SLC22A9: variants seen among roughly 807,000 people sequenced by gnomAD.
SLC22A9 encodes the protein solute carrier family 22 member 9.
Under a neutral mutation model 50.1 loss-of-function variants are expected in SLC22A9, and 64 were observed. The observed-to-expected ratio is 1.28, with a 90% CI of 1.04 to 1.57. The LOEUF is 1.57. SLC22A9 is among the 40% of genes most tolerant of loss of function. The pLI is 0.00. For missense variants in SLC22A9, 757 were observed against 676.1 expected (o/e 1.12, Z -1.33); for synonymous variants, 261 against 242.5 (o/e 1.08, Z -0.71).
At chr11:63,390,960 T>TA (rs2014753734) in intron 6 of SLC22A9, among the ~76,000 whole-genome samples, 1 of 152,128 alleles carries the variant, frequency 6.6e-6, no homozygotes, top group South Asian at 2.1e-4. Context: ...CACTTATAGC[T>TA]AAAAATATAC....
chr11:63,372,800 G>A (rs2014386124), intron 2 of SLC22A9, among the ~76,000 whole-genome samples: 1 of 152,078 alleles, frequency 6.6e-6, no homozygotes, highest in Non-Finnish European at 1.5e-5. Flanking sequence ...GTACATATAT[G>A]TAAAGATAAT....
At chr11:63,379,876 C>T (rs2014529914) in intron 5 of SLC22A9, among the ~76,000 whole-genome samples, 1 of 152,122 alleles carries the variant, frequency 6.6e-6, no homozygotes, top group Non-Finnish European at 1.5e-5. Context: ...GGATTACAGG[C>T]TTGAGACATC....
At chr11:63,396,045 T>C (rs2014849426) in intron 6 of SLC22A9, among the ~76,000 whole-genome samples, 1 of 152,078 alleles carries the variant, frequency 6.6e-6, no homozygotes, top group South Asian at 2.1e-4. Flanking sequence ...CTGGTCTCAC[T>C]CCCATTGTGT....
chr11:63,383,804 A>G (rs751214288), intron 6 of SLC22A9, among the ~76,000 whole-genome samples: 40 of 152,178 alleles, frequency 2.6e-4, no homozygotes, highest in Admixed American at 4.6e-4. Flanking sequence ...TAATCCCAGC[A>G]CTTTGAGAGG....
chr11:63,403,944 T>C (rs184224585), intron 6 of SLC22A9, among the ~76,000 whole-genome samples: 1 of 152,216 alleles, frequency 6.6e-6, no homozygotes, highest in African/African-American at 2.4e-5. Context: ...GAAGACACTA[T>C]GGAGGTTAGA....
intron 5 of SLC22A9, 41 bp downstream of exon 5, chr11:63,375,809 A>G (rs776247906): frequency 3.0e-5 from 48 of 1,601,334 alleles, no homozygotes; most frequent in Non-Finnish European, 3.6e-5. Context: ...TAGGGAAGAC[A>G]TAACTTGTCA....
chr11:63,409,776 TG>T, intron 9 of SLC22A9, 25 bp from the exon 10 acceptor site: 2 of 1,611,062 alleles, frequency 1.2e-6, no homozygotes, highest in Admixed American at 1.7e-5. Flanking sequence ...TGTGATTTTT[TG>T]TTGGTTTCTT....
At chr11:63,377,926 T>C (rs764836909) in intron 5 of SLC22A9, among the ~76,000 whole-genome samples, 3 of 152,102 alleles carry the variant, frequency 2.0e-5, no homozygotes, top group Non-Finnish European at 2.9e-5. Flanking sequence ...AACGCCTCTA[T>C]GCGCAGAAAC....
chr11:63,382,382 A>G, intron 6 of SLC22A9, 105 bp downstream of exon 6: 1 of 762,808 alleles, frequency 1.3e-6, no homozygotes, highest in Non-Finnish European at 2.1e-6. Context: ...TTGCACATAA[A>G]AGATGAGAAA....
At position 63,410,017 on chromosome 11, in the gene SLC22A9, G is replaced by A; in HGVS notation, c.*155G>A. Reference sequence around the variant, plus strand: ...GCACCTTGGGAGGCTGAGGCGGGCAGATCATGAGGTCAGAAGATAAAGACC... The same window carrying A: ...GCACCTTGGGAGGCTGAGGCGGGCAAATCATGAGGTCAGAAGATAAAGACC... On this transcript the variant is annotated 3_prime_UTR_variant, in exon 10 of 10. Coordinates refer to ENST00000279178, the MANE Select transcript of SLC22A9 (RefSeq NM_080866.3). 2 of 680,356 alleles carry A rather than the reference G, an allele frequency of 2.9e-6. No homozygotes were observed. The allele number at this position is 680,356 out of a possible 1,614,324, so 42.1% of individuals were successfully genotyped here. A position where few individuals can be genotyped will look rare whatever the true frequency, so the allele number is the denominator to read the frequency against.
At chr11:63,394,566 G>T (rs543414369) in intron 6 of SLC22A9, among the ~76,000 whole-genome samples, 14 of 152,244 alleles carry the variant, frequency 9.2e-5, no homozygotes, top group Admixed American at 9.2e-4. Context: ...ATCCCTTCTA[G>T]CTTGTAGGGT....
chr11:63,389,019 T>C (rs1591020697), intron 6 of SLC22A9, among the ~76,000 whole-genome samples: 1 of 152,322 alleles, frequency 6.6e-6, no homozygotes, highest in Admixed American at 6.5e-5. Context: ...TCAGTTACAA[T>C]GTCTCCTTTT....
intron 6 of SLC22A9, among the ~76,000 whole-genome samples, chr11:63,404,525 T>C (rs187901668): frequency 2.0e-5 from 3 of 152,158 alleles, no homozygotes; most frequent in Non-Finnish European, 4.4e-5. Flanking sequence ...TGTATTTTTA[T>C]CACAATATTT....
rs377566499 is a variant in SLC22A9, at chr11:63,383,217, A to G, written c.1073+940A>G. ...AGGGAAGGGAGTGCAGTATGTGTCC[A>G]ACATTCTAATTTTTCAGGGAGATGC... On this transcript the variant is annotated intron_variant, in intron 6 of 9. Transcript: ENST00000279178. Among the ~76,000 whole-genome samples, 15 of 152,262 alleles carry G rather than the reference A, an allele frequency of 9.9e-5. No homozygotes were observed. The East Asian group carries it at 2.3e-3, about 23-fold the overall frequency.
chr11:63,389,317 T>C (rs2014721808), intron 6 of SLC22A9, among the ~76,000 whole-genome samples: 2 of 152,070 alleles, frequency 1.3e-5, no homozygotes, highest in South Asian at 4.1e-4. Context: ...TTTGTCTTAA[T>C]GCTATCCCTC....
chr11:63,409,901 G>A lies in SLC22A9; in HGVS notation c.*39G>A, dbSNP rs756063179. On this transcript the variant is annotated 3_prime_UTR_variant, in exon 10 of 10. Transcript: ENST00000279178. ...CTGACTGCCGATCAATGAGCCAGAT[G>A]AAGGGAACAATCAGGACTATTCCTA... is the stretch of plus-strand genomic sequence containing the variant. The A allele has an allele frequency of 6.2e-7, 1 of 1,606,672 alleles. No homozygotes were observed. Among genetic ancestry groups the A allele is most frequent in the Non-Finnish European group, 8.5e-7 (1 of 1,173,704 alleles).
intron 5 of SLC22A9, among the ~76,000 whole-genome samples, chr11:63,378,449 C>T (rs929779048): frequency 6.6e-6 from 1 of 152,042 alleles, no homozygotes; most frequent in Non-Finnish European, 1.5e-5. Context: ...GAAGCAGTCC[C>T]CTTGAGAACC....
intron 6 of SLC22A9, among the ~76,000 whole-genome samples, chr11:63,396,109 A>AACCTT (rs2014851035): frequency 6.6e-6 from 1 of 152,068 alleles, no homozygotes; most frequent in Non-Finnish European, 1.5e-5. Flanking sequence ...AGGGCTTTAG[A>AACCTT]ACCTTCCCCA....
At position 63,371,156 on chromosome 11, in the gene SLC22A9, C is replaced by A. The variant is rs1204418329; in HGVS notation, c.424C>A (p.Gln142Lys). 3 of 1,613,188 alleles carry A rather than the reference C, an allele frequency of 1.9e-6. No homozygotes were observed. The highest frequency in any genetic ancestry group is 2.5e-6 in the Non-Finnish European group (3 of 1,179,398). Residue 142 changes from glutamine (Q) to lysine (K), a missense_variant, in exon 2 of 10, where the codon CAA (glutamine) becomes AAA (lysine). Gln to Lys is a moderately conservative substitution (Grantham distance 53, BLOSUM62 1). Transcript: ENST00000279178. ...VTEWDLVCDS[Q>K]SLTSVAKFVF... ...CCAGTGGGATCTGGTATGTGACTCT[C>A]AATCACTGACTTCAGTGGCTAAATT...
Sources: gnomAD v4.1 joint callset for allele counts (sites outside exome capture counted in the v4.1 genomes callset) on GRCh38, gnomAD v4.1.1 for gene constraint, MANE v1.5 for transcripts, NCBI Gene and HGNC (gene_info 2026-07-23, HGNC 2026-07-21) for gene names.